Variants in PPA2 observed in about 807,000 individuals in gnomAD.
The protein encoded by PPA2 is inorganic pyrophosphatase 2, mitochondrial.
A neutral mutation model predicts 49.5 loss-of-function variants in PPA2; 48 were observed. That is an observed-to-expected ratio of 0.97 (90% CI 0.77 to 1.23). PPA2 has a LOEUF of 1.23. Ranked by LOEUF, PPA2 falls within the 50% of genes most tolerant of loss-of-function variation. The pLI, the probability that PPA2 is intolerant of heterozygous loss-of-function variation, is 0.00. For synonymous variants in PPA2, 131 were observed against 139.9 expected (o/e 0.94, Z 0.45); for missense variants, 429 against 410.1 (o/e 1.05, Z -0.40).
chr4:105,471,131 A>C (rs1723506181), intron 1 of PPA2, among the ~76,000 whole-genome samples: 2 of 152,232 alleles, frequency 1.3e-5, no homozygotes, highest in Admixed American at 1.3e-4. Context: ...GTTTTAACGA[A>C]AACCTAATAA....
At chr4:105,429,225 A>T (rs889115733) in intron 6 of PPA2, among the ~76,000 whole-genome samples, 1 of 152,206 alleles carries the variant, frequency 6.6e-6, no homozygotes, top group South Asian at 2.1e-4. Context: ...CTAGAAGTGC[A>T]TTATTTTATT....
At chr4:105,436,035 CATG>C (rs1724037014) in intron 6 of PPA2, among the ~76,000 whole-genome samples, 1 of 152,094 alleles carries the variant, frequency 6.6e-6, no homozygotes, top group South Asian at 2.1e-4. Context: ...TCACTAATGA[CATG>C]ATAGTGTAGC....
chr4:105,414,246 G>C (rs1277432382), intron 7 of PPA2, among the ~76,000 whole-genome samples: 1 of 152,212 alleles, frequency 6.6e-6, no homozygotes, highest in African/African-American at 2.4e-5. Flanking sequence ...AAGGCAATTT[G>C]ATAATATCTA....
At chr4:105,388,353 A>G (rs1722965892) in intron 9 of PPA2, among the ~76,000 whole-genome samples, 1 of 152,136 alleles carries the variant, frequency 6.6e-6, no homozygotes, top group Admixed American at 6.5e-5. Context: ...GAATAGGAAT[A>G]TTAGAAAAGA....
chr4:105,371,423 A>T (rs1241880484), intron 10 of PPA2, among the ~76,000 whole-genome samples: 1 of 152,158 alleles, frequency 6.6e-6, no homozygotes, highest in Admixed American at 6.5e-5. Context: ...CCATTGGAAG[A>T]TCTATTTTCC....
At position 105,437,944 on chromosome 4, in the gene PPA2, A is replaced by C. The variant is rs1227630932; in HGVS notation, c.528+6T>G. On this transcript the variant is annotated splice_donor_region_variant and intron_variant, in intron 6 of 11. Coordinates refer to ENST00000341695, the MANE Select transcript of PPA2 (RefSeq NM_176869.3). ...CGTTAGAATTAATACAGTCTATAAA[A>C]CAAACCTTTGAGCCTATTTCGCAAA... is the stretch of plus-strand genomic sequence containing the variant. The C allele has an allele frequency of 7.5e-6, 12 of 1,595,498 alleles. No individual in the cohort carries two copies. The Admixed American group carries it at 2.2e-4, about 29-fold the overall frequency.
intron 7 of PPA2, chr4:105,423,130 A>T (rs1362471451): frequency 6.6e-6 from 1 of 152,218 alleles, no homozygotes; most frequent in East Asian, 1.9e-4. Context: ...TATATGGTTT[A>T]TAGACTTGAG....
At chr4:105,412,271 G>A (rs575708242) in intron 7 of PPA2, among the ~76,000 whole-genome samples, 1 of 152,186 alleles carries the variant, frequency 6.6e-6, no homozygotes, top group East Asian at 1.9e-4. Flanking sequence ...CAGAACAGAG[G>A]CCTCACAAAT....
intron 9 of PPA2, among the ~76,000 whole-genome samples, chr4:105,395,079 TA>T (rs146163229): frequency 2.5e-4 from 37 of 148,346 alleles, no homozygotes; most frequent in African/African-American, 7.2e-4. Flanking sequence ...AGATTATGCT[TA>T]AAAAAAAAAG....
chr4:105,458,553 G>A (rs1037453253), intron 1 of PPA2, among the ~76,000 whole-genome samples: 4 of 151,992 alleles, frequency 2.6e-5, no homozygotes, highest in Non-Finnish European at 4.4e-5. Context: ...GGCCGGGCAC[G>A]ATGGCTCACG....
At chr4:105,415,183 G>A (rs1186754190) in intron 7 of PPA2, among the ~76,000 whole-genome samples, 2 of 152,172 alleles carry the variant, frequency 1.3e-5, no homozygotes, top group African/African-American at 4.8e-5. Flanking sequence ...TGGTCCCCAG[G>A]CTTCAGGCCA....
At chr4:105,445,922 A>AATAAT (rs10655084) in intron 5 of PPA2, among the ~76,000 whole-genome samples, 16,011 of 152,116 alleles carry the variant, frequency 0.11, 1,779 homozygotes, top group African/African-American at 0.29. Context: ...CATAACAGTA[A>AATAAT]ATAAGTTGTG....
chr4:105,454,128 T>G (rs1378118721), intron 2 of PPA2, among the ~76,000 whole-genome samples: 2 of 152,124 alleles, frequency 1.3e-5, no homozygotes, highest in Admixed American at 1.3e-4. Flanking sequence ...ACCAAGCACT[T>G]TTAAATTAAA....
chr4:105,380,994 A>G (rs1335668326), intron 10 of PPA2, among the ~76,000 whole-genome samples: 1 of 152,122 alleles, frequency 6.6e-6, no homozygotes, highest in Non-Finnish European at 1.5e-5. Flanking sequence ...GTAGCCATCT[A>G]TACTCCTATT....
chr4:105,402,902 G>GA (rs1175930864), intron 7 of PPA2, among the ~76,000 whole-genome samples: 2 of 151,888 alleles, frequency 1.3e-5, no homozygotes, highest in South Asian at 2.1e-4. Flanking sequence ...ATTACCAATG[G>GA]AAAAAAAATT....
At chr4:105,393,235 T>TG (rs1166433321) in intron 9 of PPA2, among the ~76,000 whole-genome samples, 14 of 152,080 alleles carry the variant, frequency 9.2e-5, no homozygotes, top group African/African-American at 2.9e-4. Flanking sequence ...GGCTCACACC[T>TG]GTAATCCCAG....
intron 7 of PPA2, among the ~76,000 whole-genome samples, chr4:105,410,352 C>T (rs1722693413): frequency 6.6e-6 from 1 of 151,832 alleles, no homozygotes; most frequent in Non-Finnish European, 1.5e-5. Flanking sequence ...AGCGAGAAGA[C>T]AAGATTAGAG....
At chr4:105,447,582 TAA>T (rs1196990068) in intron 4 of PPA2, among the ~76,000 whole-genome samples, 5 of 152,318 alleles carry the variant, frequency 3.3e-5, no homozygotes, top group South Asian at 2.1e-4. Flanking sequence ...TTATTTAGCT[TAA>T]GTTATTCCAT....
At chr4:105,446,974 T>C (rs891034589) in intron 4 of PPA2, among the ~76,000 whole-genome samples, 1 of 152,152 alleles carries the variant, frequency 6.6e-6, no homozygotes, top group African/African-American at 2.4e-5. Flanking sequence ...CAACATAGTA[T>C]TGGACATCCT....
Sources: allele counts gnomAD v4.1 joint callset (sites outside exome capture counted in the v4.1 genomes callset), GRCh38; gene constraint gnomAD v4.1.1; transcripts MANE v1.5; gene names NCBI Gene and HGNC (gene_info 2026-07-23, HGNC 2026-07-21).